The following IL12RB1 variants were observed in gnomAD, a reference collection of about 807,000 sequenced individuals.
IL12RB1 encodes the protein interleukin 12 receptor subunit beta 1, also known as interleukin-12 receptor subunit beta-1.
A neutral mutation model predicts 94.4 loss-of-function variants in IL12RB1; 64 were observed. That is an observed-to-expected ratio of 0.68 (90% confidence interval 0.55 to 0.83). The LOEUF is 0.83. Among genes scored for constraint, IL12RB1 ranks in the 40% least tolerant of loss-of-function variants. IL12RB1 has a pLI of 0.00. For missense variants in IL12RB1, 814 were observed against 855.6 expected, an observed-to-expected ratio of 0.95 and a Z score of 0.61; for synonymous variants, 362 against 355.5, an observed-to-expected ratio of 1.02 and a Z score of -0.21.
intron 1 of IL12RB1, chr19:18,097,804 G>C (rs906556040): frequency 5.7e-6 from 7 of 1,224,624 alleles, no homozygotes; most frequent in South Asian, 8.2e-5. Flanking sequence ...TGGACGAGTC[G>C]AGCCTCCTGC....
upstream of IL12RB1, among the ~76,000 whole-genome samples, chr19:18,088,835 G>T (rs530054627): frequency 6.6e-6 from 1 of 152,170 alleles, no homozygotes; most frequent in Admixed American, 6.6e-5. Flanking sequence ...TTTGAGACCA[G>T]CCTGGCCAAC....
rs17882216 is a variant in IL12RB1 at position 18,069,586 on chromosome 19, G to A, written c.1149C>T (p.Cys383=). The A allele has an allele frequency of 1.0e-3, 1,652 of 1,612,174 alleles. 19 individuals are homozygous for A. The African/African-American group carries it at 0.019, about 19-fold the overall frequency. ...PVGQDGGLAT[C]SLTAPQDPDP... ...CCGGGTCTTGCGGCGCAGTCAGGCT[G>A]CAGGTGGCAAGGCCCCCGTCCTGGC... The change falls in exon 10 of 17, where the codon TGC becomes TGT. Residue 383 remains cysteine (C), a synonymous_variant. Coordinates refer to ENST00000593993, the MANE Select transcript of IL12RB1 (RefSeq NM_005535.3).
rs750667928 is a variant in IL12RB1, at chr19:18,077,542, G to A, written c.523C>T (p.Arg175Trp). 6 of 1,612,106 alleles carry A rather than the reference G, an allele frequency of 3.7e-6. No individual in the cohort carries two copies. Among genetic ancestry groups the A allele is most frequent in the African/African-American group, 1.3e-5 (1 of 74,964 alleles). Reference protein sequence around the residue: ...QVGAEVQFRHRTPSSPWKLGD... With the variant: ...QVGAEVQFRHWTPSSPWKLGD... ...AACTTCCATGGGCTGCTGGGTGTCC[G>A]GTGCCGGAACTGCACCTCAGCACCA... Residue 175 changes from arginine (R) to tryptophan (W), a missense_variant, in exon 5 of 17, where the codon CGG becomes TGG. Coordinates refer to ENST00000593993, the MANE Select transcript of IL12RB1 (RefSeq NM_005535.3).
At chr19:18,082,829 C>A (rs940360210) in intron 2 of IL12RB1, among the ~76,000 whole-genome samples, 2 of 152,138 alleles carry the variant, frequency 1.3e-5, no homozygotes, top group Non-Finnish European at 2.9e-5. Context: ...GGAATCCCAG[C>A]ACTTTGGGAG....
upstream of IL12RB1, among the ~76,000 whole-genome samples, chr19:18,088,565 TAA>T (rs778266743): frequency 2.5e-4 from 32 of 129,538 alleles, no homozygotes; most frequent in South Asian, 2.5e-4. Flanking sequence ...TCCTGTCTCT[TAA>T]AAAAAAAAAA....
At chr19:18,064,741 T>C (rs1030432733) in intron 12 of IL12RB1, among the ~76,000 whole-genome samples, 1 of 152,210 alleles carries the variant, frequency 6.6e-6, no homozygotes, top group Non-Finnish European at 1.5e-5. Context: ...CCCAAAGTGC[T>C]GGGATTACAG....
intron 9 of IL12RB1, chr19:18,071,013 G>T (rs2034990860): frequency 5.1e-6 from 1 of 195,294 alleles, no homozygotes; most frequent in Non-Finnish European, 1.1e-5. Flanking sequence ...GAGGTGGGTG[G>T]ATCACCTGAG....
intron 1 of IL12RB1, among the ~76,000 whole-genome samples, chr19:18,094,834 A>T (rs79975814): frequency 0.02 from 3,071 of 151,992 alleles, 104 homozygotes; most frequent in African/African-American, 0.071. Context: ...GAGTTACACC[A>T]TATGACCCCG....
At chr19:18,078,632 C>T (rs1015575419) in intron 4 of IL12RB1, among the ~76,000 whole-genome samples, 11 of 151,718 alleles carry the variant, frequency 7.3e-5, no homozygotes, top group African/African-American at 2.7e-4. Context: ...ACCTCGGGCT[C>T]CCAAAGTGCT....
chr19:18,059,633 T>C lies in IL12RB1; in HGVS notation c.1984-20A>G. 1.3e-6 allele frequency: 1 copy of C among 780,626 alleles called. No homozygotes were observed. The highest frequency in any genetic ancestry group is 2.4e-6 in the Non-Finnish European group (1 of 417,848). 48.4% of individuals were successfully genotyped at this position (780,626 alleles called of 1,614,324 possible). ...TCACATCTGTAAAGTACAACAGTCA[T>C]GGTTCCTTTCAGGGGGTGGTTGTAG... On this transcript the variant is annotated intron_variant, in intron 16 of 16. Coordinates refer to ENST00000593993, the MANE Select transcript of IL12RB1 (RefSeq NM_005535.3).
chr19:18,085,678 C>T (rs1267306415), intron 1 of IL12RB1, among the ~76,000 whole-genome samples: 2 of 152,018 alleles, frequency 1.3e-5, no homozygotes, highest in African/African-American at 2.4e-5. Flanking sequence ...GCTGCAATCT[C>T]GGCTCACTGC....
In IL12RB1 at chr19:18,093,085, G is replaced by T. The variant is rs184795880; in HGVS notation, c.-229-2316C>A. Among the ~76,000 whole-genome samples, 4 of 151,790 alleles carry T rather than the reference G, an allele frequency of 2.6e-5. No homozygotes were observed. The East Asian group carries it at 7.8e-4, about 30-fold the overall frequency. ...TTTGGGAGGCTGAGGTGGGTGGATC[G>T]CCTGAGGTCAGGAGTTTGAGACCAG... On this transcript the variant is annotated intron_variant, in intron 1 of 4. Coordinates refer to the IL12RB1 transcript ENST00000594176.
At chr19:18,063,606 G>A (rs1340823830) in intron 13 of IL12RB1, among the ~76,000 whole-genome samples, 1 of 152,170 alleles carries the variant, frequency 6.6e-6, no homozygotes, top group Non-Finnish European at 1.5e-5. Flanking sequence ...CTTTTGAGCT[G>A]AGTTTTGAAG....
chr19:18,066,742 C>A lies in IL12RB1; in HGVS notation c.1328-45G>T. 1.9e-6 allele frequency: 3 copies of A among 1,560,412 alleles called. No homozygotes were observed. In the South Asian group the frequency reaches 3.3e-5, roughly 17 times the overall value. The stretch of plus-strand genomic sequence containing the variant: ...CATAGTCAACACCAAGAATGCTGGT[C>A]GAGGCCTGGCACAGTGGCTCGCACC... On this transcript the variant is annotated intron_variant, in intron 11 of 16. Coordinates refer to ENST00000593993, the MANE Select transcript of IL12RB1 (RefSeq NM_005535.3).
chr19:18,088,804 C>A (rs527770002), upstream of IL12RB1, among the ~76,000 whole-genome samples: 1 of 151,770 alleles, frequency 6.6e-6, no homozygotes, highest in Admixed American at 6.6e-5. Context: ...CCGAGGTGGG[C>A]GGATCACCTG....
intron 15 of IL12RB1, among the ~76,000 whole-genome samples, 153 bp downstream of exon 15, chr19:18,060,969 C>T (rs1829440286): frequency 6.6e-6 from 1 of 152,188 alleles, no homozygotes; most frequent in Non-Finnish European, 1.5e-5. Flanking sequence ...TGGACCTCTG[C>T]CTGCCTGTCT....
chr19:18,082,143 T>C lies in IL12RB1; in HGVS notation c.239+7A>G. 6.4e-7 allele frequency: 1 copy of C among 1,552,512 alleles called. No homozygotes were observed. Among genetic ancestry groups the C allele is most frequent in the Non-Finnish European group, 8.9e-7 (1 of 1,124,618 alleles). ...TGAGGGTTTGGGAATGGTAGAGGGG[T>C]CCTCACCAACACCGCAGGAAGTGGC... On this transcript the variant is annotated splice_region_variant and intron_variant, in intron 3 of 16. Coordinates refer to ENST00000593993, the MANE Select transcript of IL12RB1 (RefSeq NM_005535.3).
At chr19:18,092,291 G>T (rs1172314101) in intron 1 of IL12RB1, among the ~76,000 whole-genome samples, 1 of 149,784 alleles carries the variant, frequency 6.7e-6, no homozygotes, top group Non-Finnish European at 1.5e-5. Flanking sequence ...AGGAATTCGA[G>T]ACTAGCCTGA....
intron 9 of IL12RB1, chr19:18,070,513 G>A (rs1055694382): frequency 8.1e-6 from 8 of 984,868 alleles, no homozygotes; most frequent in South Asian, 4.7e-5. Context: ...ACTCCCTCCC[G>A]CCAGGGCGTC....
Sources: gnomAD v4.1 joint callset for allele counts (sites outside exome capture counted in the v4.1 genomes callset) on GRCh38, gnomAD v4.1.1 for gene constraint, MANE v1.5 for transcripts, NCBI Gene and HGNC (gene_info 2026-07-23, HGNC 2026-07-21) for gene names.